RFTN2: variants seen among roughly 807,000 people sequenced by gnomAD.
The protein encoded by RFTN2 is raftlin-2.
A neutral mutation model predicts 52.7 loss-of-function variants in RFTN2; 34 were observed. That is an observed-to-expected ratio of 0.64 (90% confidence interval 0.49 to 0.86). The LOEUF is 0.86. Among genes scored for constraint, RFTN2 ranks in the 40% least tolerant of loss-of-function variants. The pLI is 0.00. For synonymous variants in RFTN2, 203 were observed against 217.7 expected (o/e 0.93, Z 0.59); for missense variants, 536 against 600.1 (o/e 0.89, Z 1.12).
chr2:197,629,430 T>C (rs1211621187), intron 5 of RFTN2, among the ~76,000 whole-genome samples: 2 of 151,718 alleles, frequency 1.3e-5, no homozygotes, highest in African/African-American at 4.8e-5. Flanking sequence ...AAACATCACA[T>C]ACTGGGGCCT....
At chr2:197,628,876 C>T (rs1436695199) in intron 5 of RFTN2, among the ~76,000 whole-genome samples, 3 of 152,224 alleles carry the variant, frequency 2.0e-5, no homozygotes, top group African/African-American at 7.2e-5. Context: ...GCTCAACTAA[C>T]TTCCGAAGAT....
intron 8 of RFTN2, among the ~76,000 whole-genome samples, chr2:197,590,935 G>C (rs925915959): frequency 6.6e-6 from 1 of 152,208 alleles, no homozygotes; most frequent in African/African-American, 2.4e-5. Context: ...TCCCCAAGTG[G>C]GGAAGACGAG....
intron 7 of RFTN2, among the ~76,000 whole-genome samples, chr2:197,602,949 C>T (rs189576148): frequency 6.6e-6 from 1 of 152,282 alleles, no homozygotes; most frequent in Admixed American, 6.5e-5. Flanking sequence ...TGGAAACCAT[C>T]ATTCTCAGCA....
chr2:197,614,460 C>T (rs1030854308), intron 7 of RFTN2, among the ~76,000 whole-genome samples: 1 of 152,162 alleles, frequency 6.6e-6, no homozygotes, highest in Non-Finnish European at 1.5e-5. Flanking sequence ...ATTCCCTGTG[C>T]AACTTGGTTC....
intron 1 of RFTN2, among the ~76,000 whole-genome samples, chr2:197,661,416 C>T (rs1056684077): frequency 1.3e-5 from 2 of 151,392 alleles, no homozygotes; most frequent in African/African-American, 4.9e-5. Context: ...TATATATATA[C>T]ATATATATTT....
chr2:197,626,884 C>T (rs1016051138), intron 5 of RFTN2, among the ~76,000 whole-genome samples: 4 of 152,074 alleles, frequency 2.6e-5, no homozygotes, highest in Admixed American at 2.6e-4. Flanking sequence ...TCCCAAAGTG[C>T]TGGGATTACA....
chr2:197,581,061 T>A (rs2087500425), intron 8 of RFTN2, among the ~76,000 whole-genome samples: 1 of 152,020 alleles, frequency 6.6e-6, no homozygotes, highest in African/African-American at 2.4e-5. Flanking sequence ...CTTGTTACTA[T>A]CCCATTAAAA....
chr2:197,584,095 A>G (rs1392856248), intron 8 of RFTN2, among the ~76,000 whole-genome samples: 1 of 152,178 alleles, frequency 6.6e-6, no homozygotes, highest in African/African-American at 2.4e-5. Flanking sequence ...ATACATGTGC[A>G]TGTGTCTTCA....
Position 197,619,967 on chromosome 2 carries a change from G to T in RFTN2, c.929-2046C>A, listed in dbSNP as rs927846111. On this transcript the variant is annotated intron_variant, in intron 5 of 8. Transcript: ENST00000295049. ...AATAGTGTGGCACAGTGAGAAGCGA[G>T]TGGAAAATCAATCTAAAAGGCATCT... Among the ~76,000 whole-genome samples the T allele has an allele frequency of 2.0e-5, 3 of 150,964 alleles. No homozygotes were observed. In the East Asian group the frequency reaches 5.8e-4, roughly 29 times the overall value.
At position 197,572,190 on chromosome 2, in the gene RFTN2, C is replaced by T; in HGVS notation, c.1324G>A (p.Glu442Lys). The T allele has an allele frequency of 6.2e-7, 1 of 1,614,278 alleles. No individual in the cohort carries two copies. The highest frequency in any genetic ancestry group is 1.7e-5 in the Admixed American group (1 of 60,034). Residue 442 changes from glutamate to lysine, a missense_variant, in exon 9 of 9, where the codon GAG becomes AAG. Physicochemically the swap from Glu to Lys is moderately conservative, Grantham distance 56. Coordinates refer to ENST00000295049, the MANE Select transcript of RFTN2 (RefSeq NM_144629.3). ...GLDTTSSQPA[E>K]SRHLPEECRL... ...CACTCCTCAGGCAGGTGTCTGCTCTCTGCAGGTTGTGACGAGGTTGTGTCT... is the reference window on the plus strand; with the variant it reads ...CACTCCTCAGGCAGGTGTCTGCTCTTTGCAGGTTGTGACGAGGTTGTGTCT...
At chr2:197,612,756 AG>A (rs1037443995) in intron 7 of RFTN2, among the ~76,000 whole-genome samples, 2 of 152,262 alleles carry the variant, frequency 1.3e-5, no homozygotes, top group African/African-American at 4.8e-5. Flanking sequence ...GGGTAATTGA[AG>A]CAACAACTTT....
chr2:197,585,681 A>C (rs1448049772), intron 8 of RFTN2, among the ~76,000 whole-genome samples: 2 of 152,050 alleles, frequency 1.3e-5, no homozygotes, highest in Non-Finnish European at 2.9e-5. Context: ...CTGTGCTTAC[A>C]CAGCTGTCCC....
chr2:197,633,735 T>G lies in RFTN2; in HGVS notation c.701A>C (p.Lys234Thr). Residue 234 changes from lysine (K) to threonine (T), a missense_variant, in exon 4 of 9, where the codon AAA becomes ACA. By Grantham distance (78) the Lys-to-Thr change is moderately conservative. Coordinates refer to ENST00000295049, the MANE Select transcript of RFTN2 (RefSeq NM_144629.3). ...MEQNGSPTSS[K>T]SRKGEASDNK... Reference sequence around the variant, plus strand: ...TCTATTACCTTCTCCCTTTCTTGATTTAGAGGAAGTAGGGCTGCCATTTTG... The same window carrying G: ...TCTATTACCTTCTCCCTTTCTTGATGTAGAGGAAGTAGGGCTGCCATTTTG... 1 of 1,613,314 alleles carries G rather than the reference T, an allele frequency of 6.2e-7. No homozygotes were observed. Among genetic ancestry groups the G allele is most frequent in the South Asian group, 1.1e-5 (1 of 91,038 alleles).
At chr2:197,640,050 C>T (rs942406975) in intron 3 of RFTN2, among the ~76,000 whole-genome samples, 32 of 152,324 alleles carry the variant, frequency 2.1e-4, no homozygotes, top group African/African-American at 3.1e-4. Context: ...TTAGGCTGCT[C>T]AGGGGTCAGG....
intron 8 of RFTN2, among the ~76,000 whole-genome samples, chr2:197,589,165 T>C (rs1414202356): frequency 7.8e-6 from 1 of 128,216 alleles, no homozygotes; most frequent in Non-Finnish European, 1.5e-5. Flanking sequence ...GAGGTTGCAG[T>C]GAGCTGAGAC....
chr2:197,674,632 A>G (rs1297130176), intron 1 of RFTN2, among the ~76,000 whole-genome samples: 2 of 152,148 alleles, frequency 1.3e-5, no homozygotes, highest in Non-Finnish European at 1.5e-5. Flanking sequence ...AAGTTTCCAA[A>G]AGAAATGAGG....
At chr2:197,617,712 CAAAT>C (rs2088168089) in intron 6 of RFTN2, 84 bp downstream of exon 6, 2 of 515,348 alleles carry the variant, frequency 3.9e-6, no homozygotes, top group Non-Finnish European at 5.3e-6. Flanking sequence ...AACAAACAAA[CAAAT>C]GAAAAACCCA....
At position 197,615,856 on chromosome 2, in the gene RFTN2, T is replaced by C. The variant is rs1251690298; in HGVS notation, c.1154+20A>G. ...TATATTAGAATTAAATGATAGTATG[T>C]AAGGATACTTTTGCCTTACCTGTCA... On this transcript the variant is annotated intron_variant, in intron 7 of 8. Transcript: ENST00000295049. 4.0e-6 allele frequency: 5 copies of C among 1,260,128 alleles called. No homozygotes were observed. Among genetic ancestry groups the C allele is most frequent in the South Asian group, 1.3e-5 (1 of 77,200 alleles). The allele number at this position is 1,260,128 out of a possible 1,614,324, so 78.1% of individuals were successfully genotyped here.
chr2:197,667,870 T>G (rs571619886), intron 1 of RFTN2, among the ~76,000 whole-genome samples: 39 of 152,232 alleles, frequency 2.6e-4, no homozygotes, highest in African/African-American at 8.9e-4. Context: ...GTGAGGCACA[T>G]GTTGGCACTG....
Sources: gnomAD v4.1 joint callset for allele counts (sites outside exome capture counted in the v4.1 genomes callset) on GRCh38, gnomAD v4.1.1 for gene constraint, MANE v1.5 for transcripts, NCBI Gene and HGNC (gene_info 2026-07-23, HGNC 2026-07-21) for gene names.